DPY19L2: variants seen among roughly 807,000 people sequenced by gnomAD.
DPY19L2 encodes the protein probable C-mannosyltransferase DPY19L2.
Under a neutral mutation model 97.9 loss-of-function variants are expected in DPY19L2, and 34 were observed. The observed-to-expected ratio is 0.35, with a 90% CI of 0.26 to 0.46. The LOEUF is 0.46. Among genes scored for constraint, DPY19L2 ranks in the 20% least tolerant of loss-of-function variants. The pLI is 1.00. For missense variants in DPY19L2, 623 were observed against 911.4 expected, an observed-to-expected ratio of 0.68 and a Z score of 4.07; for synonymous variants, 230 against 307.9, an observed-to-expected ratio of 0.75 and a Z score of 2.65.
intron 6 of DPY19L2, among the ~76,000 whole-genome samples, chr12:63,640,720 G>T (rs1007098476): frequency 6.6e-6 from 1 of 151,928 alleles, no homozygotes; most frequent in Admixed American, 6.6e-5. Context: ...TATATTCCAG[G>T]ACTATATAAC....
At chr12:63,621,742 A>C (rs191268515) in intron 8 of DPY19L2, among the ~76,000 whole-genome samples, 193 of 152,288 alleles carry the variant, frequency 1.3e-3, no homozygotes, top group African/African-American at 4.0e-3. Context: ...GCTTCAAAAA[A>C]CTTTGAAGAG....
chr12:63,654,733 A>C (rs1894736115), intron 4 of DPY19L2, among the ~76,000 whole-genome samples: 1 of 152,120 alleles, frequency 6.6e-6, no homozygotes, highest in Non-Finnish European at 1.5e-5. Flanking sequence ...ATTATCAGAG[A>C]AGGAAGAAAA....
At chr12:63,638,516 G>A (rs1230503906) in intron 6 of DPY19L2, among the ~76,000 whole-genome samples, 2 of 152,046 alleles carry the variant, frequency 1.3e-5, no homozygotes, top group Non-Finnish European at 2.9e-5. Flanking sequence ...AAAGTCTCAG[G>A]ATACAAAATC....
chr12:63,610,413 A>G (rs1886748985), intron 11 of DPY19L2, among the ~76,000 whole-genome samples: 1 of 151,900 alleles, frequency 6.6e-6, no homozygotes, highest in African/African-American at 2.4e-5. Flanking sequence ...AGTTTGTATA[A>G]CAGGAACCAC....
intron 3 of DPY19L2, among the ~76,000 whole-genome samples, chr12:63,663,510 C>T (rs1474766706): frequency 1.3e-5 from 2 of 152,040 alleles, no homozygotes; most frequent in African/African-American, 2.4e-5. Context: ...TTTCTTTGTC[C>T]TCTTTCCTCA....
At chr12:63,628,628 C>T (rs559992367) in intron 6 of DPY19L2, among the ~76,000 whole-genome samples, 10 of 152,154 alleles carry the variant, frequency 6.6e-5, no homozygotes, top group Admixed American at 6.5e-4. Flanking sequence ...TCTGTAGACT[C>T]CACCTCTGGG....
chr12:63,582,442 G>T lies in DPY19L2; in HGVS notation c.1689C>A (p.His563Gln), dbSNP rs1448028368. 1.2e-6 allele frequency: 2 copies of T among 1,613,444 alleles called. No individual in the cohort carries two copies. The stretch of plus-strand genomic sequence containing the variant: ...ATATCAAGGAAGCCATAACACACAT[G>T]TGCGGTGTCAAAAACATCTTTAGCC... ...IMRLKMFLTP[H>Q]MCVMASLICS... The change falls in exon 18 of 22, where the codon CAC becomes CAA. Residue 563 changes from histidine to glutamine, a missense_variant. Transcript: ENST00000324472.
intron 21 of DPY19L2, among the ~76,000 whole-genome samples, chr12:63,560,888 T>A (rs1382499824): frequency 6.6e-6 from 1 of 152,194 alleles, no homozygotes; most frequent in East Asian, 1.9e-4. Context: ...CATATCCTAA[T>A]AATAAAGCTT....
chr12:63,602,898 G>A (rs897729905), intron 12 of DPY19L2, among the ~76,000 whole-genome samples: 1 of 152,074 alleles, frequency 6.6e-6, no homozygotes, highest in Non-Finnish European at 1.5e-5. Flanking sequence ...TAAAATAAAA[G>A]AGAATCATAT....
Position 63,665,845 on chromosome 12 carries a change from T to C in DPY19L2, c.352A>G (p.Ile118Val), listed in dbSNP as rs1896271292. The change falls in exon 2 of 22, where the codon ATT becomes GTT. Residue 118 changes from isoleucine (I) to valine (V), a missense_variant. Transcript: ENST00000324472. Reference sequence around the variant, plus strand: ...GAAACTAAATCTTACCAATGTAAAATTGCCACAAAGACAGCTGGAATAAAG... The same window carrying C: ...GAAACTAAATCTTACCAATGTAAAACTGCCACAAAGACAGCTGGAATAAAG... ...TTLGIAVFVA[I>V]LHWLHLVTLF... 2.5e-6 allele frequency: 4 copies of C among 1,585,492 alleles called. No individual in the cohort carries two copies. Among genetic ancestry groups the C allele is most frequent in the Non-Finnish European group, 3.4e-6 (4 of 1,164,566 alleles).
intron 16 of DPY19L2, among the ~76,000 whole-genome samples, chr12:63,589,898 G>A (rs12228267): frequency 0.23 from 34,436 of 151,992 alleles, 4,284 homozygotes; most frequent in East Asian, 0.44. Context: ...GCAGGCCCAG[G>A]TGGCTGGATC....
At chr12:63,581,090 TA>T (rs1244330509) in intron 18 of DPY19L2, among the ~76,000 whole-genome samples, 1 of 152,186 alleles carries the variant, frequency 6.6e-6, no homozygotes, top group Non-Finnish European at 1.5e-5. Context: ...AGTACTAATT[TA>T]CTACTAAGGA....
chr12:63,611,045 G>C (rs1886935652), intron 11 of DPY19L2, among the ~76,000 whole-genome samples: 1 of 151,656 alleles, frequency 6.6e-6, no homozygotes, highest in African/African-American at 2.4e-5. Flanking sequence ...TCAAAACTTA[G>C]GATGGCCATT....
At chr12:63,577,082 C>CA (rs753827707) in intron 19 of DPY19L2, among the ~76,000 whole-genome samples, 18 of 152,090 alleles carry the variant, frequency 1.2e-4, no homozygotes, top group Middle Eastern at 6.8e-3. Flanking sequence ...GCCATAAAAA[C>CA]AGACACACAG....
At chr12:63,603,614 A>T (rs142624785) in intron 12 of DPY19L2, among the ~76,000 whole-genome samples, 1,811 of 152,228 alleles carry the variant, frequency 0.012, 34 homozygotes, top group African/African-American at 0.041. Context: ...AAGTGAGAAC[A>T]TGCAGTGTTT....
At chr12:63,640,708 T>C (rs1347638228) in intron 6 of DPY19L2, among the ~76,000 whole-genome samples, 1 of 152,146 alleles carries the variant, frequency 6.6e-6, no homozygotes, top group Non-Finnish European at 1.5e-5. Flanking sequence ...AATATTGTAT[T>C]TTATATTCCA....
At chr12:63,567,039 T>C (rs1301374437) in intron 21 of DPY19L2, among the ~76,000 whole-genome samples, 1 of 152,130 alleles carries the variant, frequency 6.6e-6, no homozygotes, top group African/African-American at 2.4e-5. Context: ...TCTTGACATA[T>C]AACGATAAAT....
intron 21 of DPY19L2, among the ~76,000 whole-genome samples, chr12:63,565,769 C>T (rs1877551255): frequency 6.6e-6 from 1 of 151,872 alleles, no homozygotes; most frequent in African/African-American, 2.4e-5. Flanking sequence ...CTTCTTCTGC[C>T]TTATTTTGGA....
At chr12:63,652,173 C>T (rs1391684558) in intron 4 of DPY19L2, among the ~76,000 whole-genome samples, 1 of 152,094 alleles carries the variant, frequency 6.6e-6, no homozygotes, top group African/African-American at 2.4e-5. Context: ...GGCCATCAAT[C>T]ATATGAAAAA....
Sources: allele counts gnomAD v4.1 joint callset (sites outside exome capture counted in the v4.1 genomes callset), GRCh38; gene constraint gnomAD v4.1.1; transcripts MANE v1.5; gene names NCBI Gene and HGNC (gene_info 2026-07-23, HGNC 2026-07-21).